FAM184B: variants seen among roughly 807,000 people sequenced by gnomAD.
FAM184B encodes family with sequence similarity 184 member B, also known as protein FAM184B.
A neutral mutation model predicts 135.9 loss-of-function variants in FAM184B; 111 were observed. The observed-to-expected ratio is 0.82, with a 90% CI of 0.70 to 0.96. FAM184B has a LOEUF of 0.96. Ranked by LOEUF, FAM184B falls within the 40% of genes least tolerant of loss-of-function variation. The pLI is 0.00. For synonymous variants in FAM184B, 552 were observed against 524.8 expected (o/e 1.05, Z -0.71); for missense variants, 1,375 against 1,323.9 (o/e 1.04, Z -0.60).
At chr4:17,775,605 T>A (rs1411504478) in intron 1 of FAM184B, among the ~76,000 whole-genome samples, 2 of 152,250 alleles carry the variant, frequency 1.3e-5, no homozygotes, top group African/African-American at 4.8e-5. Context: ...ACTGACCCAA[T>A]CATCTCTTGT....
At chr4:17,661,134 G>C (rs1715909000) in intron 8 of FAM184B, among the ~76,000 whole-genome samples, 1 of 152,226 alleles carries the variant, frequency 6.6e-6, no homozygotes, top group African/African-American at 2.4e-5. Flanking sequence ...ATCTCACTGA[G>C]ATCTTGGCCT....
chr4:17,775,721 T>C (rs1264488835), intron 1 of FAM184B, among the ~76,000 whole-genome samples: 2 of 152,200 alleles, frequency 1.3e-5, no homozygotes, highest in Non-Finnish European at 2.9e-5. Context: ...TGGAGGCTAT[T>C]ATCTTAAGTT....
intron 14 of FAM184B, among the ~76,000 whole-genome samples, chr4:17,638,846 C>G (rs939419040): frequency 4.6e-5 from 7 of 152,072 alleles, no homozygotes; most frequent in Non-Finnish European, 5.9e-5. Flanking sequence ...CCCCACCACA[C>G]CCCGCCTCCT....
chr4:17,755,113 C>G (rs775267041), intron 1 of FAM184B, among the ~76,000 whole-genome samples: 2 of 152,118 alleles, frequency 1.3e-5, no homozygotes, highest in Non-Finnish European at 2.9e-5. Flanking sequence ...CCTGCCTCAG[C>G]CTTTCAAAGT....
intron 6 of FAM184B, among the ~76,000 whole-genome samples, chr4:17,690,164 G>T (rs1412827003): frequency 6.6e-6 from 1 of 151,320 alleles, no homozygotes; most frequent in Non-Finnish European, 1.5e-5. Flanking sequence ...AAAAAAAAAA[G>T]AATTTACAAC....
intron 1 of FAM184B, among the ~76,000 whole-genome samples, chr4:17,716,148 A>T (rs1717397500): frequency 6.6e-6 from 1 of 152,178 alleles, no homozygotes. Context: ...GCTTGCAAGC[A>T]TCCAGTGTGT....
At chr4:17,766,530 G>A (rs1284628395) in intron 1 of FAM184B, among the ~76,000 whole-genome samples, 2 of 151,820 alleles carry the variant, frequency 1.3e-5, no homozygotes, top group African/African-American at 4.8e-5. Flanking sequence ...CAAACCTTGA[G>A]CTAGACACAG....
intron 1 of FAM184B, among the ~76,000 whole-genome samples, chr4:17,740,275 T>C (rs576402712): frequency 1.5e-5 from 2 of 133,728 alleles, no homozygotes; most frequent in South Asian, 4.9e-4. Flanking sequence ...TTGCTTGAAC[T>C]GGGGAGGCAG....
rs140038008 is a variant in FAM184B, at chr4:17,738,057, C to T, written c.142-28413G>A. ...ACATATCATCTGTAATAGACCCTGA[C>T]CCTTGGTCACAGGGATGAGCAGGTA... On this transcript the variant is annotated intron_variant, in intron 1 of 17. Transcript: ENST00000265018. 4.9e-3 allele frequency among the ~76,000 whole-genome samples: 747 copies of T among 152,202 alleles called. 7 individuals are homozygous for T. Among genetic ancestry groups the T allele is most frequent in the African/African-American group, 0.017 (696 of 41,512 alleles).
intron 1 of FAM184B, among the ~76,000 whole-genome samples, chr4:17,744,274 A>T (rs2108984815): frequency 6.6e-6 from 1 of 152,244 alleles, no homozygotes; most frequent in East Asian, 1.9e-4. Flanking sequence ...AACTGGGAGA[A>T]GGTGCAATAG....
intron 1 of FAM184B, among the ~76,000 whole-genome samples, chr4:17,719,809 C>T (rs545461752): frequency 2.6e-5 from 4 of 152,310 alleles, no homozygotes; most frequent in African/African-American, 9.6e-5. Flanking sequence ...CAGGCTTTTA[C>T]ACCAACTAAT....
At chr4:17,719,491 A>G (rs989654428) in intron 1 of FAM184B, among the ~76,000 whole-genome samples, 2 of 152,172 alleles carry the variant, frequency 1.3e-5, no homozygotes, top group Non-Finnish European at 2.9e-5. Context: ...AAGACCACAG[A>G]AAAAAAGGGA....
chr4:17,685,558 CAAAAAAAAAA>C (rs11350244), intron 7 of FAM184B, among the ~76,000 whole-genome samples: 3 of 86,762 alleles, frequency 3.5e-5, no homozygotes, highest in African/African-American at 1.4e-4. Context: ...GACTCTGTCT[CAAAAAAAAAA>C]AAAAAAAAAA....
At chr4:17,777,700 C>A (rs1169475821) in intron 1 of FAM184B, among the ~76,000 whole-genome samples, 1 of 152,108 alleles carries the variant, frequency 6.6e-6, no homozygotes, top group East Asian at 1.9e-4. Flanking sequence ...AAAATAACAT[C>A]TCAGGATATA....
chr4:17,670,254 A>T (rs1716140663), intron 7 of FAM184B, among the ~76,000 whole-genome samples: 1 of 152,254 alleles, frequency 6.6e-6, no homozygotes, highest in Non-Finnish European at 1.5e-5. Context: ...AATAAATCCA[A>T]AGTAAGTAGA....
intron 14 of FAM184B, among the ~76,000 whole-genome samples, chr4:17,637,898 G>T (rs1296757923): frequency 6.6e-6 from 1 of 152,036 alleles, no homozygotes; most frequent in Non-Finnish European, 1.5e-5. Context: ...CCAGTGCCTT[G>T]TGAAGGCTTC....
intron 1 of FAM184B, among the ~76,000 whole-genome samples, chr4:17,771,284 C>A (rs1171734769): frequency 6.6e-6 from 1 of 152,048 alleles, no homozygotes; most frequent in African/African-American, 2.4e-5. Context: ...AGGAGGAAGG[C>A]TGGGGCGAGG....
chr4:17,722,654 G>A lies in FAM184B; in HGVS notation c.142-13010C>T, dbSNP rs371605982. On this transcript the variant is annotated intron_variant, in intron 1 of 17. Transcript: ENST00000265018. ...GAAGGTTCTTAATGAGAGCCCCACC[G>A]TCTACAGGCCCAGTCCAACCCTCAC... Among the ~76,000 whole-genome samples the A allele has an allele frequency of 8.1e-4, 123 of 152,228 alleles. 1 individual carries two copies. The highest frequency in any genetic ancestry group is 1.6e-3 in the Non-Finnish European group (107 of 68,016).
intron 7 of FAM184B, among the ~76,000 whole-genome samples, chr4:17,673,729 A>C (rs1210987722): frequency 2.0e-5 from 3 of 152,178 alleles, no homozygotes; most frequent in African/African-American, 7.2e-5. Context: ...ATGCAAAGGC[A>C]TAAGAAGGAC....
Sources: allele counts gnomAD v4.1 joint callset (sites outside exome capture counted in the v4.1 genomes callset), GRCh38; gene constraint gnomAD v4.1.1; transcripts MANE v1.5; gene names NCBI Gene and HGNC (gene_info 2026-07-23, HGNC 2026-07-21).